DPP10: variants seen among roughly 807,000 people sequenced by gnomAD.
DPP10 encodes the protein dipeptidyl peptidase like 10, also known as inactive dipeptidyl peptidase 10.
DPP10 carries 33 observed loss-of-function variants against 120.9 expected under a neutral mutation model. That is an observed-to-expected ratio of 0.27 (90% CI 0.21 to 0.37). The LOEUF (loss-of-function observed/expected upper bound fraction) is 0.37, where lower values mean the gene tolerates loss of function less well. Among genes scored for constraint, DPP10 ranks in the 10% least tolerant of loss-of-function variants. The pLI, the probability that DPP10 is intolerant of heterozygous loss-of-function variation, is 1.00. For synonymous variants in DPP10, 337 were observed against 326.1 expected (o/e 1.03, Z -0.36); for missense variants, 816 against 942.8 (o/e 0.87, Z 1.76).
intron 3 of DPP10, among the ~76,000 whole-genome samples, chr2:115,435,888 C>G (rs2071449007): frequency 6.6e-6 from 1 of 151,860 alleles, no homozygotes; most frequent in Non-Finnish European, 1.5e-5. Context: ...AGATAGGGGT[C>G]AAGTTTCATT....
At chr2:115,762,128 C>A (rs889078484) in intron 11 of DPP10, among the ~76,000 whole-genome samples, 1 of 152,032 alleles carries the variant, frequency 6.6e-6, no homozygotes, top group Non-Finnish European at 1.5e-5. Flanking sequence ...AAAAAGAAGG[C>A]CATGATTATG....
At chr2:114,565,876 GATTCATTCATTC>G (rs200449756) in intron 1 of DPP10, among the ~76,000 whole-genome samples, 5 of 152,252 alleles carry the variant, frequency 3.3e-5, no homozygotes, top group Admixed American at 2.6e-4. Flanking sequence ...TCATAGAATA[GATTCATTCATTC>G]ATTCATTCAT....
chr2:115,416,934 G>A (rs1308305909), intron 3 of DPP10, among the ~76,000 whole-genome samples: 1 of 152,144 alleles, frequency 6.6e-6, no homozygotes, highest in Non-Finnish European at 1.5e-5. Flanking sequence ...AGTGCCAGAA[G>A]CGAGCATACC....
chr2:114,506,193 C>G (rs910574524), intron 1 of DPP10, among the ~76,000 whole-genome samples: 14 of 152,122 alleles, frequency 9.2e-5, no homozygotes, highest in African/African-American at 3.4e-4. Context: ...AATCCTGTGC[C>G]CATAAAAACC....
intron 1 of DPP10, among the ~76,000 whole-genome samples, chr2:114,753,094 C>T (rs1304274836): frequency 6.6e-6 from 1 of 152,134 alleles, no homozygotes; most frequent in Non-Finnish European, 1.5e-5. Context: ...AGGAGGTGGG[C>T]AAGCTCAGTT....
intron 1 of DPP10, among the ~76,000 whole-genome samples, chr2:114,528,837 A>T (rs1224527606): frequency 6.6e-6 from 1 of 151,944 alleles, no homozygotes; most frequent in African/African-American, 2.4e-5. Flanking sequence ...CTGATTCATC[A>T]TCAAAGCCTA....
intron 1 of DPP10, among the ~76,000 whole-genome samples, chr2:114,749,835 C>T (rs1034634719): frequency 1.3e-5 from 2 of 152,228 alleles, no homozygotes; most frequent in South Asian, 2.1e-4. Context: ...GGCACAACTG[C>T]AATCATTCCA....
intron 1 of DPP10, among the ~76,000 whole-genome samples, chr2:114,821,251 T>C (rs1335186698): frequency 6.6e-6 from 1 of 151,744 alleles, no homozygotes; most frequent in Non-Finnish European, 1.5e-5. Context: ...CAGGGCACCA[T>C]GATGTTCTAC....
chr2:114,758,087 A>G (rs971451770), intron 1 of DPP10, among the ~76,000 whole-genome samples: 2 of 152,192 alleles, frequency 1.3e-5, no homozygotes, highest in Non-Finnish European at 2.9e-5. Flanking sequence ...GAACTTCAAG[A>G]GGAATTATTT....
chr2:115,433,906 A>G (rs190941246), intron 3 of DPP10, among the ~76,000 whole-genome samples: 3 of 152,100 alleles, frequency 2.0e-5, no homozygotes. Context: ...TTTTTGTTTT[A>G]TGAGATTTCC....
At position 115,588,659 on chromosome 2, in the gene DPP10, G is replaced by A. The variant is rs541362735; in HGVS notation, c.441+62687G>A. 2.5e-4 allele frequency among the ~76,000 whole-genome samples: 38 copies of A among 152,316 alleles called. No homozygotes were observed. In the South Asian group the frequency reaches 5.8e-3, roughly 23 times the overall value. On this transcript the variant is annotated intron_variant, in intron 5 of 25. Coordinates refer to ENST00000410059, the MANE Select transcript of DPP10 (RefSeq NM_020868.6). Reference sequence around the variant, plus strand: ...CAGTCCCACATCAAAAGATGCAAAGGCAAATGCTTTTAGTAGCAGAATTTG... The same window carrying A: ...CAGTCCCACATCAAAAGATGCAAAGACAAATGCTTTTAGTAGCAGAATTTG...
At chr2:115,506,836 C>T (rs1402067889) in intron 4 of DPP10, among the ~76,000 whole-genome samples, 1 of 152,040 alleles carries the variant, frequency 6.6e-6, no homozygotes, top group Non-Finnish European at 1.5e-5. Context: ...AAGAGGAAAA[C>T]TGTGAGTGTG....
intron 5 of DPP10, among the ~76,000 whole-genome samples, chr2:115,550,817 C>T (rs941319165): frequency 6.6e-6 from 1 of 152,190 alleles, no homozygotes; most frequent in East Asian, 1.9e-4. Flanking sequence ...CTGTGTGTTA[C>T]ATCATTTTGC....
At chr2:115,696,313 G>A (rs2091586462) in intron 7 of DPP10, among the ~76,000 whole-genome samples, 1 of 152,124 alleles carries the variant, frequency 6.6e-6, no homozygotes, top group African/African-American at 2.4e-5. Context: ...CAATCAAACT[G>A]TTGAAAGACA....
chr2:115,127,423 G>A (rs2050134180), intron 1 of DPP10, among the ~76,000 whole-genome samples: 1 of 152,152 alleles, frequency 6.6e-6, no homozygotes, highest in African/African-American at 2.4e-5. Flanking sequence ...GAGGGAGGTG[G>A]CTTTCCAGTT....
chr2:115,232,885 T>C (rs1182853797), intron 1 of DPP10, among the ~76,000 whole-genome samples: 1 of 152,206 alleles, frequency 6.6e-6, no homozygotes, highest in Non-Finnish European at 1.5e-5. Flanking sequence ...TTAGAACAAC[T>C]ACCCCGAGAT....
chr2:115,292,847 C>T (rs564914086), intron 1 of DPP10, among the ~76,000 whole-genome samples: 20 of 152,230 alleles, frequency 1.3e-4, no homozygotes, highest in Admixed American at 4.6e-4. Context: ...AAATACCCTT[C>T]TGAAGATGGT....
chr2:115,580,792 A>G (rs1436351479), intron 5 of DPP10, among the ~76,000 whole-genome samples: 1 of 152,134 alleles, frequency 6.6e-6, no homozygotes, highest in East Asian at 1.9e-4. Flanking sequence ...TTGTTGCCTC[A>G]TTCCCATCTT....
In DPP10 at chr2:115,179,261, C is replaced by A. The variant is rs985156899; in HGVS notation, c.61-129978C>A. ...TAATGTAGAATTGAACAAATTCCCT[C>A]TATTTTCTTTTATAATAAGAAAGAT... On this transcript the variant is annotated intron_variant, in intron 1 of 25. Coordinates refer to ENST00000410059, the MANE Select transcript of DPP10 (RefSeq NM_020868.6). Among the ~76,000 whole-genome samples, 3 of 152,112 alleles carry A rather than the reference C, an allele frequency of 2.0e-5. No individual in the cohort carries two copies. In the East Asian group the frequency reaches 5.8e-4, roughly 29 times the overall value.
Sources: gnomAD v4.1 joint callset for allele counts (sites outside exome capture counted in the v4.1 genomes callset) on GRCh38, gnomAD v4.1.1 for gene constraint, MANE v1.5 for transcripts, NCBI Gene and HGNC (gene_info 2026-07-23, HGNC 2026-07-21) for gene names.